SCART1: variants seen among roughly 807,000 people sequenced by gnomAD.
SCART1 encodes the protein scavenger receptor cysteine-rich domain-containing protein SCART1.
SCART1 carries 62 observed loss-of-function variants against 36.2 expected under a neutral mutation model. That is an observed-to-expected ratio of 1.71 (90% CI 1.40 to 2.12). The LOEUF is 2.12. Ranked by LOEUF, SCART1 falls within the 30% of genes most tolerant of loss-of-function variation. The pLI is 0.00. For missense variants in SCART1, 1,041 were observed against 540.5 expected, an observed-to-expected ratio of 1.93 and a Z score of -9.18; for synonymous variants, 487 against 238.7, an observed-to-expected ratio of 2.04 and a Z score of -9.59.
chr10:133,458,057 C>T (rs1327111769), intron 3 of SCART1: 3 of 607,496 alleles, frequency 4.9e-6, no homozygotes, highest in African/African-American at 1.8e-5. Flanking sequence ...GCCCTGACCT[C>T]GCCTCTGGGA....
At chr10:133,460,158 G>A in exon 6 of SCART1, 1 of 506,566 alleles carries the variant, frequency 2.0e-6, no homozygotes, top group African/African-American at 2.0e-5. Flanking sequence ...GGACGCCGGC[G>A]TCTTCTGCTC....
At chr10:133,469,580 C>G (rs1196556105), downstream of SCART1, among the ~76,000 whole-genome samples, 1 of 151,364 alleles carries the variant, frequency 6.6e-6, no homozygotes. Flanking sequence ...ACATCACACA[C>G]TGGGGCCTGT....
At chr10:133,454,925 C>T (rs1177508368) in intron 1 of SCART1, among the ~76,000 whole-genome samples, 1 of 152,096 alleles carries the variant, frequency 6.6e-6, no homozygotes. Context: ...TGCACAAGGG[C>T]CGGAATTCTC....
chr10:133,465,622 A>G lies in SCART1; in HGVS notation c.2659+57A>G, dbSNP rs1238776045. 4 of 585,954 alleles carry G rather than the reference A, an allele frequency of 6.8e-6. No individual in the cohort carries two copies. In the African/African-American group the frequency reaches 7.6e-5, roughly 11 times the overall value. 36.3% of individuals were successfully genotyped at this position (585,954 alleles called of 1,614,324 possible). On this transcript the variant is annotated intron_variant, in intron 9 of 11. Transcript: ENST00000640237. The stretch of plus-strand genomic sequence containing the variant: ...GGGCCGGCAGAGGGCGCTGGGATGG[A>G]GTCAGTCTTGAGTGTCACTTCGGTG...
intron 3 of SCART1, chr10:133,458,108 G>T (rs1180634244): frequency 5.9e-6 from 4 of 683,660 alleles, no homozygotes; most frequent in Non-Finnish European, 8.0e-6. Context: ...ACAGGCAGAG[G>T]CTGTGAAATA....
chr10:133,464,844 C>T (rs1294717524), exon 7 of SCART1: 3 of 702,774 alleles, frequency 4.3e-6, no homozygotes, highest in African/African-American at 1.7e-5. Flanking sequence ...CGCAGGCTGC[C>T]CAACTCCACT....
chr10:133,456,277 G>A (rs768670195), exon 2 of SCART1: 64 of 702,764 alleles, frequency 9.1e-5, no homozygotes, highest in Middle Eastern at 6.8e-4. Context: ...GACACAGCAC[G>A]TGCGACGGAG....
intron 4 of SCART1, 131 bp downstream of exon 4, chr10:133,458,787 A>G (rs936160150): frequency 1.5e-6 from 1 of 671,332 alleles, no homozygotes; most frequent in African/African-American, 1.8e-5. Context: ...GGTTGAAAGA[A>G]GCGCAGGGAA....
At chr10:133,459,598 G>C (rs1435165003) in exon 6 of SCART1, 2 of 672,480 alleles carry the variant, frequency 3.0e-6, no homozygotes, top group Non-Finnish European at 5.4e-6. Flanking sequence ...TGGGACCTGC[G>C]CGGCGCGGGC....
chr10:133,456,398 G>A lies in SCART1; in HGVS notation c.229G>A (p.Ala77Thr), dbSNP rs374121781. 3.3e-4 allele frequency: 233 copies of A among 702,862 alleles called. 2 individuals are homozygous for A. The highest frequency in any genetic ancestry group is 2.7e-3 in the African/African-American group (152 of 57,358). 43.5% of individuals were successfully genotyped at this position (702,862 alleles called of 1,614,324 possible). The change falls in exon 2 of 12, where the codon GCC becomes ACC. Residue 77 changes from alanine (A) to threonine (T), a missense_variant. Ala to Thr is a moderately conservative substitution (Grantham distance 58). Coordinates refer to ENST00000640237, the Ensembl canonical transcript of SCART1. ...GCTGGGCTGCGGCCCTGCCGTGGGC[G>A]CCCCCAAGTATGTCCCGCTGCCTGG...
chr10:133,467,274 C>T lies in SCART1; in HGVS notation c.2883C>T (p.Tyr961=), dbSNP rs751485645. 5.4e-5 allele frequency: 38 copies of T among 702,836 alleles called. 1 individual carries two copies. The highest frequency in any genetic ancestry group is 4.3e-4 in the South Asian group (29 of 67,588). The allele number at this position is 702,836 out of a possible 1,614,324, so 43.5% of individuals were successfully genotyped here. The change falls in exon 11 of 12, where the codon TAC becomes TAT. Residue 961 remains tyrosine, a synonymous_variant. Coordinates refer to ENST00000640237, the Ensembl canonical transcript of SCART1. ...GGGAAATGCCGCCAGCAGGACTGTA[C>T]GAGGAAATCATGGAGGCCGAGGCTG...
At chr10:133,465,334 G>A (rs1271143904) in exon 9 of SCART1, 7 of 688,578 alleles carry the variant, frequency 1.0e-5, no homozygotes, top group Admixed American at 6.2e-5. Flanking sequence ...CTGGGGCACC[G>A]TGTGCGACGA....
At chr10:133,461,091 A>C (rs1057065388) in intron 6 of SCART1, among the ~76,000 whole-genome samples, 7 of 151,978 alleles carry the variant, frequency 4.6e-5, no homozygotes, top group Admixed American at 1.3e-4. Flanking sequence ...TATTATTATT[A>C]TTCACACATA....
At chr10:133,458,004 C>T (rs936966793) in intron 3 of SCART1, 2 of 539,922 alleles carry the variant, frequency 3.7e-6, no homozygotes, top group East Asian at 6.8e-5. Flanking sequence ...AGTCTGCCTG[C>T]TGCGGTACCC....
At position 133,459,400 on chromosome 10, in the gene SCART1, G is replaced by C. The variant is rs1473830587; in HGVS notation, c.1285+74G>C. The C allele has an allele frequency of 4.9e-6, 3 of 614,300 alleles. No individual in the cohort carries two copies. In the Admixed American group the frequency reaches 8.2e-5, roughly 17 times the overall value. The allele number at this position is 614,300 out of a possible 1,614,324, so 38.1% of individuals were successfully genotyped here. ...ACAGAGGAGTGCAAGGAAGGACAGA[G>C]GGGGCGGAGAGGTACGGGCCCTGCT... On this transcript the variant is annotated intron_variant, in intron 5 of 11. Transcript: ENST00000640237.
chr10:133,459,602 C>G, exon 6 of SCART1: 1 of 672,502 alleles, frequency 1.5e-6, no homozygotes, highest in Non-Finnish European at 2.7e-6. Context: ...ACCTGCGCGG[C>G]GCGGGCGTGG....
chr10:133,459,039 G>T (rs553209825), exon 5 of SCART1: 10 of 692,934 alleles, frequency 1.4e-5, no homozygotes, highest in Admixed American at 1.0e-4. Flanking sequence ...ATGGTCAACG[G>T]CAGCAGCAGC....
At position 133,459,341 on chromosome 10, in the gene SCART1, G is replaced by T. The variant is rs765063377; in HGVS notation, c.1285+15G>T. ...GGTCTGCTCAGGTGGGTGCAGCCAGGACGGTGGACCAGGAGGGTGAGTGAG... is the reference window on the plus strand; with the variant it reads ...GGTCTGCTCAGGTGGGTGCAGCCAGTACGGTGGACCAGGAGGGTGAGTGAG... On this transcript the variant is annotated intron_variant, in intron 5 of 11. Coordinates refer to ENST00000640237, the Ensembl canonical transcript of SCART1. 13 of 624,798 alleles carry T rather than the reference G, an allele frequency of 2.1e-5. No homozygotes were observed. In the South Asian group the frequency reaches 2.4e-4, roughly 11 times the overall value. The allele number at this position is 624,798 out of a possible 1,614,324, so 38.7% of individuals were successfully genotyped here. A position where few individuals can be genotyped will look rare whatever the true frequency, so the allele number is the denominator to read the frequency against.
chr10:133,456,470 G>T lies in SCART1; in HGVS notation c.301G>T (p.Glu101Ter), dbSNP rs932242716. Residue 101 changes from glutamate (E) to a stop codon, truncating the protein, a stop_gained, in exon 2 of 12, where the codon GAG becomes TAG. Transcript: ENST00000640237. LOFTEE classifies it high-confidence loss of function. ...TCACAACGTGTCCTGCCGGGGCAACGAGTCCTCCCTCTGGGAGTGCAGCCT... is the reference window on the plus strand; with the variant it reads ...TCACAACGTGTCCTGCCGGGGCAACTAGTCCTCCCTCTGGGAGTGCAGCCT... 1 of 701,898 alleles carries T rather than the reference G, an allele frequency of 1.4e-6. No individual in the cohort carries two copies. The highest frequency in any genetic ancestry group is 2.6e-6 in the Non-Finnish European group (1 of 384,410). The allele number at this position is 701,898 out of a possible 1,614,324, so 43.5% of individuals were successfully genotyped here. A position where few individuals can be genotyped will look rare whatever the true frequency, so the allele number is the denominator to read the frequency against.
Sources: allele counts gnomAD v4.1 joint callset (sites outside exome capture counted in the v4.1 genomes callset), GRCh38; gene constraint gnomAD v4.1.1; transcripts MANE v1.5; gene names NCBI Gene and HGNC (gene_info 2026-07-23, HGNC 2026-07-21).